The following KNTC1 variants were observed in gnomAD, a reference collection of about 807,000 sequenced individuals.
KNTC1 encodes kinetochore associated 1, also known as kinetochore-associated protein 1.
Under a neutral mutation model 314.4 loss-of-function variants are expected in KNTC1, and 253 were observed. The ratio of observed to expected loss-of-function variants is 0.80; its 90% CI spans 0.73 to 0.89. KNTC1 has a LOEUF of 0.89. Among genes scored for constraint, KNTC1 ranks in the 40% least tolerant of loss-of-function variants. KNTC1 has a pLI of 0.00. For synonymous variants in KNTC1, 901 were observed against 901.4 expected, an observed-to-expected ratio of 1.00 and a Z score of 0.01; for missense variants, 2,475 against 2,572.9, an observed-to-expected ratio of 0.96 and a Z score of 0.82.
chr12:122,554,076 A>AAAAAATATAT (rs370146333), intron 16 of KNTC1, among the ~76,000 whole-genome samples: 2 of 109,060 alleles, frequency 1.8e-5, no homozygotes, highest in African/African-American at 7.8e-5. Flanking sequence ...AAAAAAAAAA[A>AAAAAATATAT]ATATATATAT....
At chr12:122,598,421 C>CTT (rs11395342) in intron 44 of KNTC1, among the ~76,000 whole-genome samples, 9,571 of 124,094 alleles carry the variant, frequency 0.077, 618 homozygotes, top group Middle Eastern at 0.15. Context: ...TTTTTCTTTT[C>CTT]TTTTTTTTTT....
chr12:122,566,158 G>A (rs1964322795), intron 20 of KNTC1, among the ~76,000 whole-genome samples: 1 of 151,742 alleles, frequency 6.6e-6, no homozygotes, highest in African/African-American at 2.4e-5. Context: ...GGCCAGGCTG[G>A]CCTCGAACTC....
intron 12 of KNTC1, among the ~76,000 whole-genome samples, chr12:122,548,784 A>G (rs1435728341): frequency 6.6e-6 from 1 of 151,944 alleles, no homozygotes; most frequent in Non-Finnish European, 1.5e-5. Flanking sequence ...TCTGGACAAC[A>G]TGGTGAAACC....
At chr12:122,541,833 A>G (rs1289759260) in intron 5 of KNTC1, among the ~76,000 whole-genome samples, 1 of 151,200 alleles carries the variant, frequency 6.6e-6, no homozygotes, top group East Asian at 2.0e-4. Flanking sequence ...ATCCTGGCCA[A>G]CATGGTGAAA....
chr12:122,583,704 T>C (rs1868783871), intron 34 of KNTC1, among the ~76,000 whole-genome samples: 1 of 152,096 alleles, frequency 6.6e-6, no homozygotes, highest in African/African-American at 2.4e-5. Flanking sequence ...TGGGCACCTC[T>C]AATCCCACCT....
Position 122,580,686 on chromosome 12 carries a change from C to G in KNTC1, c.2982+16C>G. 1 of 1,488,514 alleles carries G rather than the reference C, an allele frequency of 6.7e-7. No homozygotes were observed. 92.2% of individuals were successfully genotyped at this position (1,488,514 alleles called of 1,614,324 possible). A position where few individuals can be genotyped will look rare whatever the true frequency, so the allele number is the denominator to read the frequency against. ...TAGCTTACAGGTAAACATATTGAGC[C>G]ATGTTAAACATTATTACTTGACCAA... On this transcript the variant is annotated intron_variant, in intron 33 of 63. Coordinates refer to ENST00000333479, the MANE Select transcript of KNTC1 (RefSeq NM_014708.6).
chr12:122,590,581 C>T (rs1870047014), intron 40 of KNTC1, 26 bp from the exon 41 acceptor site: 2 of 1,576,044 alleles, frequency 1.3e-6, no homozygotes, highest in East Asian at 2.3e-5. Flanking sequence ...GAAGAATTTG[C>T]TTCTTTTGCT....
Position 122,573,281 on chromosome 12 carries a change from T to G in KNTC1, c.2279T>G (p.Ile760Arg). 6.2e-7 allele frequency: 1 copy of G among 1,613,236 alleles called. No individual in the cohort carries two copies. Among genetic ancestry groups the G allele is most frequent in the Non-Finnish European group, 8.5e-7 (1 of 1,179,542 alleles). The change falls in exon 26 of 64, where the codon ATA becomes AGA. Residue 760 changes from isoleucine (I) to arginine (R), a missense_variant. Transcript: ENST00000333479. ...LQEEELLLLY[I>R]EDLLNRCSSK... ...GAGGAGGAACTTCTCTTGCTGTACA[T>G]AGAGGTAACTTTTCCTTTACATCTA... is the stretch of plus-strand genomic sequence containing the variant.
intron 48 of KNTC1, among the ~76,000 whole-genome samples, chr12:122,604,073 G>A (rs949113862): frequency 1.3e-5 from 2 of 151,610 alleles, no homozygotes; most frequent in African/African-American, 4.8e-5. Context: ...GCATGCATGT[G>A]TGAACACAGA....
chr12:122,539,056 G>A (rs1209368556), intron 4 of KNTC1, among the ~76,000 whole-genome samples: 1 of 152,234 alleles, frequency 6.6e-6, no homozygotes, highest in Admixed American at 6.5e-5. Context: ...TTGGAAGATG[G>A]TCAGGTTTTT....
chr12:122,566,530 C>T (rs7295238), intron 20 of KNTC1, among the ~76,000 whole-genome samples: 1,605 of 151,436 alleles, frequency 0.011, 29 homozygotes, highest in African/African-American at 0.038. Flanking sequence ...CTGCCTCAGC[C>T]TCCCGACTAG....
At chr12:122,538,785 A>G (rs1182865390) in intron 4 of KNTC1, among the ~76,000 whole-genome samples, 1 of 152,198 alleles carries the variant, frequency 6.6e-6, no homozygotes, top group Non-Finnish European at 1.5e-5. Context: ...GAGGAAGCTG[A>G]GGTGAAAAAG....
At chr12:122,559,878 C>T (rs1009436671) in intron 18 of KNTC1, among the ~76,000 whole-genome samples, 1 of 152,128 alleles carries the variant, frequency 6.6e-6, no homozygotes, top group African/African-American at 2.4e-5. Flanking sequence ...CCCGGCCTAT[C>T]TTAAGCATTT....
At position 122,622,533 on chromosome 12, in the gene KNTC1, T is replaced by C. The variant is rs1874552829; in HGVS notation, c.6441T>C (p.Phe2147=). 1.3e-6 allele frequency: 2 copies of C among 1,578,712 alleles called. No individual in the cohort carries two copies. Among genetic ancestry groups the C allele is most frequent in the Non-Finnish European group, 1.7e-6 (2 of 1,160,738 alleles). The change falls in exon 62 of 64, where the codon TTT becomes TTC. Residue 2147 remains phenylalanine (F), a synonymous_variant. Transcript: ENST00000333479. ...GGATTTTGGCAAAGACCAAATACTTTCAAATGTTGAAGATGCATGCGATGA... is the reference window on the plus strand; with the variant it reads ...GGATTTTGGCAAAGACCAAATACTTCCAAATGTTGAAGATGCATGCGATGA... ...EFGILAKTKY[F]QMLKMHAMNT...
chr12:122,601,735 A>G, intron 45 of KNTC1, 110 bp downstream of exon 45: 1 of 1,064,356 alleles, frequency 9.4e-7, no homozygotes, highest in Non-Finnish European at 1.2e-6. Flanking sequence ...TTCCCTTTAA[A>G]CTCTGTGGTT....
At chr12:122,571,427 A>T (rs1374144875) in intron 24 of KNTC1, among the ~76,000 whole-genome samples, 1 of 151,606 alleles carries the variant, frequency 6.6e-6, no homozygotes, top group African/African-American at 2.4e-5. Context: ...TGGTGCAACC[A>T]TGGCTCACTG....
intron 51 of KNTC1, among the ~76,000 whole-genome samples, chr12:122,607,208 C>T (rs945389840): frequency 4.6e-5 from 7 of 152,024 alleles, no homozygotes; most frequent in African/African-American, 7.2e-5. Flanking sequence ...GGATTACAGG[C>T]GCCCGCCACC....
Position 122,609,436 on chromosome 12 carries a change from C to G in KNTC1, c.5543+6C>G. On this transcript the variant is annotated splice_donor_region_variant and intron_variant, in intron 52 of 63. Coordinates refer to ENST00000333479, the MANE Select transcript of KNTC1 (RefSeq NM_014708.6). ...GAAGATGAAGCCCTACGAAGGTACT[C>G]TTTTCCTTTACTTATATTCACCTAT... 1 of 1,543,232 alleles carries G rather than the reference C, an allele frequency of 6.5e-7. No individual in the cohort carries two copies. The highest frequency in any genetic ancestry group is 8.8e-7 in the Non-Finnish European group (1 of 1,129,946).
At chr12:122,611,148 G>C (rs775065308) in intron 53 of KNTC1, 23 of 472,890 alleles carry the variant, frequency 4.9e-5, no homozygotes, top group Middle Eastern at 5.8e-4. Context: ...CTGGCTGTCT[G>C]CATTCACAGT....
Sources: allele counts gnomAD v4.1 joint callset (sites outside exome capture counted in the v4.1 genomes callset), GRCh38; gene constraint gnomAD v4.1.1; transcripts MANE v1.5; gene names NCBI Gene and HGNC (gene_info 2026-07-23, HGNC 2026-07-21).